Variants in BST1 observed in about 807,000 individuals in gnomAD.
BST1 encodes the protein ADP-ribosyl cyclase/cyclic ADP-ribose hydrolase 2.
Under a neutral mutation model 40.6 loss-of-function variants are expected in BST1, and 49 were observed. The ratio of observed to expected loss-of-function variants is 1.21; its 90% CI spans 0.96 to 1.53. The LOEUF (loss-of-function observed/expected upper bound fraction) is 1.53. Among genes scored for constraint, BST1 ranks in the 40% most tolerant of loss-of-function variants. The probability of loss-of-function intolerance (pLI) is 0.00; values close to 1 mark genes in which losing one functional copy is unlikely to be tolerated. For missense variants in BST1, 423 were observed against 395.9 expected, an observed-to-expected ratio of 1.07 and a Z score of -0.58; for synonymous variants, 157 against 159.3, an observed-to-expected ratio of 0.99 and a Z score of 0.11.
chr4:15,715,495 A>G (rs1384601297), intron 5 of BST1, 134 bp downstream of exon 5: 1 of 961,494 alleles, frequency 1.0e-6, no homozygotes, highest in Non-Finnish European at 1.6e-6. Context: ...AAAGCAAAAC[A>G]GATGAATGAC....
chr4:15,728,009 A>G lies in BST1; in HGVS notation c.852-3731A>G, dbSNP rs577348995. ...GGGGAAAAAACCAACCTTAGCGCTTATAGGTTATAATATTGGCCAAAAATT... is the reference window on the plus strand; with the variant it reads ...GGGGAAAAAACCAACCTTAGCGCTTGTAGGTTATAATATTGGCCAAAAATT... On this transcript the variant is annotated intron_variant, in intron 8 of 8. Coordinates refer to ENST00000265016, the MANE Select transcript of BST1 (RefSeq NM_004334.3). Among the ~76,000 whole-genome samples the G allele has an allele frequency of 3.9e-5, 6 of 151,912 alleles. No homozygotes were observed. In the South Asian group the frequency reaches 1.2e-3, roughly 32 times the overall value.
At chr4:15,737,471 G>T (rs1186014607), downstream of BST1, among the ~76,000 whole-genome samples, 2 of 152,196 alleles carry the variant, frequency 1.3e-5, no homozygotes, top group African/African-American at 4.8e-5. Context: ...GCAGCAAGGG[G>T]GCAGCAGGGA....
Position 15,703,267 on chromosome 4 carries a change from A to G in BST1, c.123A>G (p.Ala41=). The part of the protein sequence containing the change: ...RARWRGEGTS[A]HLRDIFLGRC... ...GGTGGCGCGGGGAGGGCACCAGCGC[A>G]CACTTGCGGGACATCTTCCTGGGCC... The change falls in exon 1 of 9, where the codon GCA becomes GCG. Residue 41 remains alanine (A), a synonymous_variant. Coordinates refer to ENST00000265016, the MANE Select transcript of BST1 (RefSeq NM_004334.3). 6.5e-7 allele frequency: 1 copy of G among 1,539,098 alleles called. No individual in the cohort carries two copies. Among genetic ancestry groups the G allele is most frequent in the Non-Finnish European group, 8.7e-7 (1 of 1,146,882 alleles).
intron 6 of BST1, among the ~76,000 whole-genome samples, chr4:15,717,969 G>A (rs1459637926): frequency 6.6e-6 from 1 of 152,188 alleles, no homozygotes; most frequent in Non-Finnish European, 1.5e-5. Context: ...GGCATGGGAA[G>A]GTTGTGAGTT....
the BST1 span, among the ~76,000 whole-genome samples, chr4:15,762,188 CAAAAAAAAAAAAAAAAA>C: frequency 4.9e-5 from 3 of 61,238 alleles, no homozygotes; most frequent in South Asian, 5.8e-4. Flanking sequence ...GACTCCATCT[CAAAAAAAAAAAAAAAAA>C]AAAAAAAAAA....
At chr4:15,768,059 C>A in the BST1 span, among the ~76,000 whole-genome samples, 1 of 152,174 alleles carries the variant, frequency 6.6e-6, no homozygotes, top group Non-Finnish European at 1.5e-5. Flanking sequence ...TTCTTCCTTT[C>A]TACCTTTCAG....
At chr4:15,730,970 G>A in intron 8 of BST1, 1 of 443,154 alleles carries the variant, frequency 2.3e-6, no homozygotes, top group Non-Finnish European at 3.7e-6. Flanking sequence ...CCTTAATATA[G>A]GCACTGGGGC....
chr4:15,737,199 A>G (rs1025881736), downstream of BST1, among the ~76,000 whole-genome samples: 5 of 152,186 alleles, frequency 3.3e-5, no homozygotes, highest in Non-Finnish European at 5.9e-5. Flanking sequence ...GTTATTTGCT[A>G]GTGTTATTGT....
chr4:15,744,019 G>C, the BST1 span, among the ~76,000 whole-genome samples: 4 of 152,292 alleles, frequency 2.6e-5, 1 homozygote, highest in South Asian at 2.1e-4. Flanking sequence ...TTCTTTCCTT[G>C]GGGGATGGGA....
chr4:15,771,963 C>T, the BST1 span, among the ~76,000 whole-genome samples: 1 of 152,014 alleles, frequency 6.6e-6, no homozygotes, highest in East Asian at 1.9e-4. Flanking sequence ...GCCAGGTACA[C>T]AACAGGATAT....
chr4:15,771,863 C>T, the BST1 span, among the ~76,000 whole-genome samples: 1 of 152,204 alleles, frequency 6.6e-6, no homozygotes, highest in African/African-American at 2.4e-5. Flanking sequence ...GCATACTATA[C>T]AGTAGAATTC....
intron 2 of BST1, among the ~76,000 whole-genome samples, chr4:15,706,623 C>T (rs1264626570): frequency 6.6e-6 from 1 of 152,138 alleles, no homozygotes; most frequent in Non-Finnish European, 1.5e-5. Flanking sequence ...CATTGTTAAC[C>T]TGATTTTTTC....
chr4:15,763,189 G>A, the BST1 span, among the ~76,000 whole-genome samples: 1 of 151,774 alleles, frequency 6.6e-6, no homozygotes, highest in African/African-American at 2.4e-5. Flanking sequence ...TTTAAAGATT[G>A]TAGCTTTAGA....
intron 2 of BST1, among the ~76,000 whole-genome samples, chr4:15,705,967 G>T (rs1719860898): frequency 6.6e-6 from 1 of 152,220 alleles, no homozygotes; most frequent in African/African-American, 2.4e-5. Flanking sequence ...TACTTCAGCA[G>T]AAGGCAAAGT....
chr4:15,766,729 C>T, the BST1 span, among the ~76,000 whole-genome samples: 788 of 137,902 alleles, frequency 5.7e-3, 11 homozygotes, highest in African/African-American at 0.02. Context: ...TTCTTCTTTT[C>T]GTGATGGTAT....
At chr4:15,709,923 C>T (rs977719093) in intron 3 of BST1, among the ~76,000 whole-genome samples, 5 of 151,972 alleles carry the variant, frequency 3.3e-5, no homozygotes, top group Admixed American at 6.6e-5. Flanking sequence ...AAAGCCAAAC[C>T]ATTGACAGCA....
chr4:15,733,617 C>T (rs933542515), downstream of BST1, among the ~76,000 whole-genome samples: 10 of 152,176 alleles, frequency 6.6e-5, no homozygotes, highest in African/African-American at 9.7e-5. Flanking sequence ...AGGAAACTTA[C>T]GATCATCATG....
the BST1 span, among the ~76,000 whole-genome samples, chr4:15,762,560 G>GA: frequency 6.6e-6 from 1 of 151,960 alleles, no homozygotes; most frequent in Non-Finnish European, 1.5e-5. Flanking sequence ...ACTTATAACT[G>GA]AAAGTTTGTA....
At chr4:15,720,224 G>C (rs1016608049) in intron 7 of BST1, among the ~76,000 whole-genome samples, 3 of 151,938 alleles carry the variant, frequency 2.0e-5, no homozygotes, top group Non-Finnish European at 2.9e-5. Context: ...ACAGAGCTGA[G>C]TTTTGAACCC....
Sources: gnomAD v4.1 joint callset for allele counts (sites outside exome capture counted in the v4.1 genomes callset) on GRCh38, gnomAD v4.1.1 for gene constraint, MANE v1.5 for transcripts, NCBI Gene and HGNC (gene_info 2026-07-23, HGNC 2026-07-21) for gene names.